Variants in CLYBL observed in about 807,000 individuals in gnomAD.
The protein encoded by CLYBL is citramalyl-CoA lyase, mitochondrial.
A neutral mutation model predicts 38.9 loss-of-function variants in CLYBL; 31 were observed. That is an observed-to-expected ratio of 0.80 (90% confidence interval 0.60 to 1.08). The LOEUF (loss-of-function observed/expected upper bound fraction) is 1.08. Among genes scored for constraint, CLYBL ranks in the 50% least tolerant of loss-of-function variants. The probability of loss-of-function intolerance (pLI) is 0.00; values close to 1 mark genes in which losing one functional copy is unlikely to be tolerated. For synonymous variants in CLYBL, 171 were observed against 158.6 expected (o/e 1.08, Z -0.59); for missense variants, 434 against 411.6 (o/e 1.05, Z -0.47).
chr13:99,650,241 C>T (rs1298895174), intron 1 of CLYBL, among the ~76,000 whole-genome samples: 2 of 151,266 alleles, frequency 1.3e-5, no homozygotes, highest in African/African-American at 4.9e-5. Context: ...CCAGCCTGGG[C>T]GACAGAGCCA....
intron 1 of CLYBL, among the ~76,000 whole-genome samples, chr13:99,630,964 C>T (rs560578753): frequency 4.2e-4 from 64 of 152,216 alleles, no homozygotes; most frequent in African/African-American, 1.5e-3. Flanking sequence ...AACCACTACA[C>T]TTTAGCCACC....
chr13:99,818,405 C>G (rs559673869), intron 2 of CLYBL, among the ~76,000 whole-genome samples: 116 of 150,422 alleles, frequency 7.7e-4, no homozygotes, highest in African/African-American at 2.8e-3. Flanking sequence ...GATGATAAAG[C>G]CACTGGCAGC....
intron 2 of CLYBL, among the ~76,000 whole-genome samples, chr13:99,775,823 C>T (rs1309899111): frequency 6.6e-6 from 1 of 151,924 alleles, no homozygotes; most frequent in Non-Finnish European, 1.5e-5. Context: ...TTCTCTTTTT[C>T]ATCCATAGAA....
chr13:99,757,134 A>G (rs2049077874), intron 1 of CLYBL, among the ~76,000 whole-genome samples: 1 of 152,292 alleles, frequency 6.6e-6, no homozygotes, highest in Non-Finnish European at 1.5e-5. Context: ...TCCTGGGCTC[A>G]AGTGATCCTT....
chr13:99,690,456 A>C (rs574041531), intron 1 of CLYBL: 66 of 151,988 alleles, frequency 4.3e-4, no homozygotes, highest in African/African-American at 1.5e-3. Context: ...TCCCCAGCAA[A>C]CACGGGCTTT....
At chr13:99,894,735 G>GC (rs1491360430), downstream of CLYBL, 16 of 107,374 alleles carry the variant, frequency 1.5e-4, 1 homozygote, top group African/African-American at 5.6e-4. Flanking sequence ...CTTGCCTGAG[G>GC]CGGGGGGGGG....
chr13:99,671,298 C>T (rs998943992), intron 1 of CLYBL, among the ~76,000 whole-genome samples: 2 of 152,096 alleles, frequency 1.3e-5, no homozygotes, highest in South Asian at 2.1e-4. Flanking sequence ...TTTGTTTTCT[C>T]GTATAATGTT....
At chr13:99,732,169 GTTTTT>G (rs35027014) in intron 1 of CLYBL, among the ~76,000 whole-genome samples, 5 of 90,764 alleles carry the variant, frequency 5.5e-5, no homozygotes, top group African/African-American at 1.7e-4. Flanking sequence ...TTATATGGCA[GTTTTT>G]TTTTTTTTTT....
At chr13:99,831,817 G>T (rs991387724) in intron 2 of CLYBL, among the ~76,000 whole-genome samples, 2 of 149,228 alleles carry the variant, frequency 1.3e-5, no homozygotes, top group African/African-American at 2.5e-5. Context: ...TGGTAACTTT[G>T]TTTCTGTACC....
intron 1 of CLYBL, among the ~76,000 whole-genome samples, chr13:99,764,619 G>C (rs997025713): frequency 1.3e-5 from 2 of 151,830 alleles, no homozygotes; most frequent in Non-Finnish European, 2.9e-5. Context: ...ATTTATTTGG[G>C]TCTTCCCTCT....
At chr13:99,623,450 C>G (rs751964005) in intron 1 of CLYBL, among the ~76,000 whole-genome samples, 2 of 152,176 alleles carry the variant, frequency 1.3e-5, no homozygotes, top group Non-Finnish European at 2.9e-5. Flanking sequence ...ATGATCTTCT[C>G]CCTCCTACCT....
chr13:99,818,020 AGAAG>A (rs951163939), intron 2 of CLYBL, among the ~76,000 whole-genome samples: 30 of 149,788 alleles, frequency 2.0e-4, no homozygotes, highest in East Asian at 4.0e-4. Flanking sequence ...AGGAAGGAAG[AGAAG>A]GAAGGAAGGA....
chr13:99,826,871 G>A (rs2050705152), intron 2 of CLYBL, among the ~76,000 whole-genome samples: 1 of 152,226 alleles, frequency 6.6e-6, no homozygotes, highest in Non-Finnish European at 1.5e-5. Context: ...CCGAGCTGGA[G>A]TTGTCTCGGG....
At chr13:99,885,601 C>G (rs1050310838) in intron 7 of CLYBL, among the ~76,000 whole-genome samples, 1 of 152,172 alleles carries the variant, frequency 6.6e-6, no homozygotes, top group African/African-American at 2.4e-5. Context: ...CATCCTGGCA[C>G]CATGTCCCTG....
chr13:99,868,085 C>T (rs9517901), intron 6 of CLYBL, among the ~76,000 whole-genome samples: 7,710 of 151,162 alleles, frequency 0.051, 259 homozygotes, highest in South Asian at 0.077. Flanking sequence ...AGTATTAAAT[C>T]GCTAAAAAAA....
intron 1 of CLYBL, among the ~76,000 whole-genome samples, chr13:99,754,889 G>T (rs2049031547): frequency 6.8e-6 from 1 of 148,046 alleles, no homozygotes; most frequent in Non-Finnish European, 1.5e-5. Flanking sequence ...ACCCCACCCA[G>T]CCTAGATGAT....
At chr13:99,617,311 C>A (rs1046498847) in intron 1 of CLYBL, among the ~76,000 whole-genome samples, 2 of 151,926 alleles carry the variant, frequency 1.3e-5, no homozygotes, top group African/African-American at 2.4e-5. Flanking sequence ...CTAATAAGGG[C>A]CTCTCTATGG....
At chr13:99,782,810 C>T (rs1019229292) in intron 2 of CLYBL, among the ~76,000 whole-genome samples, 4 of 152,116 alleles carry the variant, frequency 2.6e-5, no homozygotes, top group Non-Finnish European at 5.9e-5. Context: ...TAGCAATTCA[C>T]ATATGGCCTC....
intron 2 of CLYBL, among the ~76,000 whole-genome samples, chr13:99,813,902 C>T (rs1189266031): frequency 3.3e-5 from 5 of 152,188 alleles, no homozygotes; most frequent in East Asian, 1.9e-4. Flanking sequence ...AGGCCATCCC[C>T]GTGGACCAAA....
Sources: gnomAD v4.1 joint callset for allele counts (sites outside exome capture counted in the v4.1 genomes callset) on GRCh38, gnomAD v4.1.1 for gene constraint, MANE v1.5 for transcripts, NCBI Gene and HGNC (gene_info 2026-07-23, HGNC 2026-07-21) for gene names.